Variants in FAM76B observed in about 807,000 individuals in gnomAD.
FAM76B encodes the protein protein FAM76B.
FAM76B carries 16 observed loss-of-function variants against 51.8 expected under a neutral mutation model. The ratio of observed to expected loss-of-function variants is 0.31; its 90% CI spans 0.21 to 0.47. The LOEUF (loss-of-function observed/expected upper bound fraction) is 0.47. Among genes scored for constraint, FAM76B ranks in the 20% least tolerant of loss-of-function variants. FAM76B has a pLI of 1.00. For missense variants in FAM76B, 342 were observed against 392.6 expected, an observed-to-expected ratio of 0.87 and a Z score of 1.09; for synonymous variants, 166 against 129.5, an observed-to-expected ratio of 1.28 and a Z score of -1.91.
At chr11:95,780,046 ATATT>A in intron 5 of FAM76B, 120 bp from the exon 6 acceptor site, 1 of 917,680 alleles carries the variant, frequency 1.1e-6, no homozygotes, top group East Asian at 2.8e-5. Flanking sequence ...AGAGAAAGGT[ATATT>A]TAAGTTTTCA....
At chr11:95,788,740 G>C in intron 1 of FAM76B, 177 bp from the exon 2 acceptor site, 1 of 1,297,316 alleles carries the variant, frequency 7.7e-7, no homozygotes, top group East Asian at 2.6e-5. Context: ...AATTCCTTAG[G>C]GAAGGCACAG....
intron 6 of FAM76B, 65 bp from the exon 7 acceptor site, chr11:95,779,752 T>C (rs868725689): frequency 1.3e-6 from 2 of 1,577,710 alleles, no homozygotes; most frequent in Middle Eastern, 1.7e-4. Context: ...TGATAAGTTA[T>C]TCATCTTCCC....
Position 95,789,468 on chromosome 11 carries a change from G to A in FAM76B, c.11C>T (p.Ser4Leu). The change falls in exon 1 of 10, where the codon TCG (serine) becomes TTG (leucine). Residue 4 changes from serine to leucine, a missense_variant. This residue lies in a region of FAM76B where 96 missense variants were observed against 94.7 expected (regional missense o/e 1.01). Coordinates refer to ENST00000358780, the MANE Select transcript of FAM76B (RefSeq NM_144664.5). The stretch of plus-strand genomic sequence containing the variant: ...ACACTTGGTGCAGGCGTACAGGGCC[G>A]AGGCCGCCATCCTGCTCCTCAGTCT... The part of the protein sequence containing the change: MAA[S>L]ALYACTKCTQ... The A allele has an allele frequency of 6.2e-7, 1 of 1,606,230 alleles. No homozygotes were observed. The highest frequency in any genetic ancestry group is 8.5e-7 in the Non-Finnish European group (1 of 1,176,870).
intron 5 of FAM76B, 65 bp from the exon 6 acceptor site, chr11:95,779,991 TTC>T: frequency 7.0e-7 from 1 of 1,425,640 alleles, no homozygotes; most frequent in Non-Finnish European, 9.6e-7. Context: ...AAATTTAACA[TTC>T]TTTCTCAATG....
intron 9 of FAM76B, 52 bp from the exon 10 acceptor site, chr11:95,771,702 T>C: frequency 7.1e-7 from 1 of 1,410,044 alleles, no homozygotes; most frequent in Non-Finnish European, 1.0e-6. Context: ...TATTATTAAG[T>C]CATGCTGAAG....
intron 9 of FAM76B, among the ~76,000 whole-genome samples, chr11:95,772,589 AAC>A (rs1859816976): frequency 6.6e-6 from 1 of 151,226 alleles, no homozygotes; most frequent in Non-Finnish European, 1.5e-5. Flanking sequence ...CCCTAAAATT[AAC>A]ACATTTTAAA....
chr11:95,781,149 T>C (rs781400477), intron 5 of FAM76B, among the ~76,000 whole-genome samples: 16 of 151,604 alleles, frequency 1.1e-4, no homozygotes, highest in Non-Finnish European at 2.1e-4. Context: ...GCACTAACCA[T>C]ATCTCAAAGT....
At chr11:95,781,056 T>G (rs1860240624) in intron 5 of FAM76B, among the ~76,000 whole-genome samples, 1 of 150,994 alleles carries the variant, frequency 6.6e-6, no homozygotes, top group Admixed American at 6.6e-5. Flanking sequence ...TGAATGGAAA[T>G]CCTATTGAGG....
chr11:95,789,398 G>A lies in FAM76B; in HGVS notation c.81C>T (p.Leu27=). The change falls in exon 1 of 10, where the codon CTC becomes CTT. Residue 27 remains leucine (L), a synonymous_variant. Coordinates refer to ENST00000358780, the MANE Select transcript of FAM76B (RefSeq NM_144664.5). ...CCTCCCGGAGCCCACGGACCTTGCA[G>A]AGCTGCTGGCCCTGGGAGAGCTCCT... ...PFEELSQGQQ[L]CKECRIAHPI... 1.2e-6 allele frequency: 2 copies of A among 1,601,440 alleles called. No individual in the cohort carries two copies. Among genetic ancestry groups the A allele is most frequent in the Non-Finnish European group, 1.7e-6 (2 of 1,174,412 alleles).
intron 8 of FAM76B, among the ~76,000 whole-genome samples, chr11:95,776,530 A>G (rs1444553576): frequency 1.3e-5 from 2 of 151,452 alleles, no homozygotes; most frequent in Non-Finnish European, 3.0e-5. Context: ...GTCCAGGATT[A>G]TGTACACAAT....
chr11:95,789,612 C>T lies in FAM76B; in HGVS notation c.-134G>A, dbSNP rs545444010. 8.7e-6 allele frequency: 6 copies of T among 687,138 alleles called. No homozygotes were observed. In the East Asian group the frequency reaches 1.3e-4, roughly 15 times the overall value. The allele number at this position is 687,138 out of a possible 1,614,324, so 42.6% of individuals were successfully genotyped here. On this transcript the variant is annotated 5_prime_UTR_variant, in exon 1 of 10. Transcript: ENST00000358780. Reference sequence around the variant, plus strand: ...CCCTGCCTCGCGCCCACCAGGGCCTCGCCGCGAGAGCCCAGGGCCCCGCGG... The same window carrying T: ...CCCTGCCTCGCGCCCACCAGGGCCTTGCCGCGAGAGCCCAGGGCCCCGCGG...
At chr11:95,776,348 A>C (rs1217687538) in intron 8 of FAM76B, among the ~76,000 whole-genome samples, 1 of 151,484 alleles carries the variant, frequency 6.6e-6, no homozygotes, top group African/African-American at 2.4e-5. Context: ...AACTGGGAAA[A>C]TGCCTCATTT....
rs986709158 is a variant in FAM76B at position 95,789,178 on chromosome 11, T to G, written c.87+214A>C. ...GGGCCCGGCACCCTCCTGGGCCGCC[T>G]GGAAAAGGGCACGATTCTGCCTCCC... On this transcript the variant is annotated intron_variant, in intron 1 of 9. Transcript: ENST00000358780. The G allele has an allele frequency of 2.7e-5, 28 of 1,049,630 alleles. No homozygotes were observed. In the African/African-American group the frequency reaches 4.2e-4, roughly 16 times the overall value. 65.0% of individuals were successfully genotyped at this position (1,049,630 alleles called of 1,614,324 possible).
In FAM76B at chr11:95,779,587, C is replaced by T. The variant is rs370555041; in HGVS notation, c.692+20G>A. On this transcript the variant is annotated intron_variant, in intron 7 of 9. Coordinates refer to ENST00000358780, the MANE Select transcript of FAM76B (RefSeq NM_144664.5). ...TCAACTAAGTTGAATTTTCATAACA[C>T]TAAAAGAATTCATTTTTACCTATCT... 7.5e-6 allele frequency: 12 copies of T among 1,590,836 alleles called. No homozygotes were observed. The African/African-American group carries it at 1.6e-4, about 22-fold the overall frequency.
intron 9 of FAM76B, among the ~76,000 whole-genome samples, chr11:95,774,900 G>A (rs939399550): frequency 2.0e-5 from 3 of 150,698 alleles, no homozygotes; most frequent in Non-Finnish European, 4.5e-5. Flanking sequence ...CCTCGAATTT[G>A]AGCAAGTTCC....
chr11:95,788,968 C>T, intron 1 of FAM76B: 1 of 1,348,816 alleles, frequency 7.4e-7, no homozygotes, highest in Non-Finnish European at 9.7e-7. Flanking sequence ...AAGAAGGATG[C>T]CATCAGCTTT....
At chr11:95,772,937 T>C (rs1363106900) in intron 9 of FAM76B, among the ~76,000 whole-genome samples, 1 of 151,154 alleles carries the variant, frequency 6.6e-6, no homozygotes, top group Non-Finnish European at 1.5e-5. Context: ...TCAATAGAAC[T>C]TTCCTATTCA....
At position 95,770,255 on chromosome 11, in the gene FAM76B, C is replaced by A. The variant is rs746366681; in HGVS notation, c.*1306G>T. ...AATAACTTCATATAACCTATCCCAC[C>A]CTACCTTAACCTTTTATAGACAATT... On this transcript the variant is annotated 3_prime_UTR_variant, in exon 10 of 10. Coordinates refer to ENST00000358780, the MANE Select transcript of FAM76B (RefSeq NM_144664.5). The A allele has an allele frequency of 2.0e-5, 3 of 151,740 alleles. No homozygotes were observed. The highest frequency in any genetic ancestry group is 7.3e-5 in the African/African-American group (3 of 41,314). The allele number at this position is 151,740 out of a possible 1,614,324, so 9.4% of individuals were successfully genotyped here.
intron 8 of FAM76B, among the ~76,000 whole-genome samples, chr11:95,776,474 T>C (rs10831430): frequency 0.27 from 41,374 of 151,376 alleles, 6,939 homozygotes; most frequent in Non-Finnish European, 0.38. Flanking sequence ...TAAAAAGGAA[T>C]GGTCTTTTCA....
Sources: allele counts gnomAD v4.1 joint callset (sites outside exome capture counted in the v4.1 genomes callset), GRCh38; gene constraint gnomAD v4.1.1; regional missense constraint gnomAD v4.1.1; transcripts MANE v1.5; gene names NCBI Gene and HGNC (gene_info 2026-07-23, HGNC 2026-07-21).